The following FEM1C variants were observed in gnomAD, a reference collection of about 807,000 sequenced individuals.
FEM1C encodes the protein protein fem-1 homolog C.
In FEM1C, 15 loss-of-function variants were observed where a neutral mutation model predicts 37.6. The ratio of observed to expected loss-of-function variants is 0.40; its 90% CI spans 0.27 to 0.61. The LOEUF is 0.61. FEM1C is among the 20% of genes least tolerant of loss of function. The pLI is 0.42. For synonymous variants in FEM1C, 287 were observed against 272.8 expected (o/e 1.05, Z -0.51); for missense variants, 532 against 749.7 (o/e 0.71, Z 3.39).
Position 115,534,208 on chromosome 5 carries a change from C to T in FEM1C, c.545-8591G>A, listed in dbSNP as rs561620230. On this transcript the variant is annotated intron_variant, in intron 2 of 2. Transcript: ENST00000274457. ...TAAGGTCAGGAAACTATGGTAAGTG[C>T]TCGTGCATTAAAGGGTGGTAGTATT... 8.1e-4 allele frequency among the ~76,000 whole-genome samples: 123 copies of T among 152,002 alleles called. 1 individual carries two copies. Among genetic ancestry groups the T allele is most frequent in the African/African-American group, 2.5e-3 (105 of 41,516 alleles).
intron 2 of FEM1C, among the ~76,000 whole-genome samples, chr5:115,527,318 A>G (rs576654100): frequency 3.4e-4 from 52 of 152,290 alleles, no homozygotes; most frequent in African/African-American, 1.1e-3. Flanking sequence ...TTAGAAAAAA[A>G]CAAGTTATTA....
In FEM1C at chr5:115,522,116, C is replaced by T. The variant is rs563609143; in HGVS notation, c.*2192G>A. The stretch of plus-strand genomic sequence containing the variant: ...TGCCTCACTATAAGAGCATGTAAGC[C>T]CTCCCACCCAGCCCCCAAAGAGGAG... On this transcript the variant is annotated 3_prime_UTR_variant, in exon 3 of 3. Coordinates refer to ENST00000274457, the MANE Select transcript of FEM1C (RefSeq NM_020177.3). 6.7e-6 allele frequency: 1 copy of T among 150,216 alleles called. No individual in the cohort carries two copies. Among genetic ancestry groups the T allele is most frequent in the East Asian group, 2.0e-4 (1 of 5,048 alleles). 9.3% of individuals were successfully genotyped at this position (150,216 alleles called of 1,614,324 possible). A position where few individuals can be genotyped will look rare whatever the true frequency, so the allele number is the denominator to read the frequency against.
intron 2 of FEM1C, among the ~76,000 whole-genome samples, chr5:115,527,630 T>C (rs1753921698): frequency 6.6e-6 from 1 of 152,124 alleles, no homozygotes; most frequent in African/African-American, 2.4e-5. Flanking sequence ...ATAGGCAATA[T>C]AAGAGAAATC....
chr5:115,526,484 A>C (rs1561556556), intron 2 of FEM1C, among the ~76,000 whole-genome samples: 1 of 152,178 alleles, frequency 6.6e-6, no homozygotes, highest in African/African-American at 2.4e-5. Context: ...TTTTCTTCCC[A>C]CACACAGATT....
In FEM1C at chr5:115,524,325, CAA is replaced by C; in HGVS notation, c.1835_1836del (p.Phe612CysfsTer5). On this transcript the variant is annotated frameshift_variant, in exon 3 of 3. Coordinates refer to ENST00000274457, the MANE Select transcript of FEM1C (RefSeq NM_020177.3). LOFTEE classifies it high-confidence loss of function. ...TCAAGTTATCATCTATGAAGGGAAA[CAA>C]AAGTCTCTAGCTTTTCTGGGATATG... ...KGHIPEKLET[F>X]VSLHR 6.2e-7 allele frequency: 1 copy of C among 1,613,082 alleles called. No homozygotes were observed. The highest frequency in any genetic ancestry group is 8.5e-7 in the Non-Finnish European group (1 of 1,179,448).
Position 115,520,996 on chromosome 5 carries a change from G to A in FEM1C, c.*3312C>T, listed in dbSNP as rs930456148. The A allele has an allele frequency of 6.1e-5, 9 of 148,192 alleles. No individual in the cohort carries two copies. Among genetic ancestry groups the A allele is most frequent in the African/African-American group, 7.5e-5 (3 of 40,100 alleles). The allele number at this position is 148,192 out of a possible 1,614,324, so 9.2% of individuals were successfully genotyped here. A position where few individuals can be genotyped will look rare whatever the true frequency, so the allele number is the denominator to read the frequency against. ...TGTGACAATTTATTAGCTGGCATCC[G>A]AATACAGTACTTCTTTTGAAAAAAT... is the stretch of plus-strand genomic sequence containing the variant. On this transcript the variant is annotated 3_prime_UTR_variant, in exon 3 of 3. Transcript: ENST00000274457.
At chr5:115,533,694 T>C (rs1754062419) in intron 2 of FEM1C, among the ~76,000 whole-genome samples, 1 of 151,912 alleles carries the variant, frequency 6.6e-6, no homozygotes, top group Non-Finnish European at 1.5e-5. Context: ...CTCCACATCA[T>C]GTCTTCTTTT....
At chr5:115,526,722 ACTG>A (rs1447485730) in intron 2 of FEM1C, among the ~76,000 whole-genome samples, 2 of 152,166 alleles carry the variant, frequency 1.3e-5, no homozygotes, top group African/African-American at 4.8e-5. Flanking sequence ...GCAGGCTGAG[ACTG>A]CTATCCTTAG....
At chr5:115,529,588 T>C (rs187481478) in intron 2 of FEM1C, among the ~76,000 whole-genome samples, 4 of 152,198 alleles carry the variant, frequency 2.6e-5, no homozygotes, top group African/African-American at 4.8e-5. Flanking sequence ...CCTGGAGATA[T>C]AGGCAAAAAC....
At chr5:115,540,162 C>T (rs1322627293) in intron 2 of FEM1C, among the ~76,000 whole-genome samples, 1 of 152,002 alleles carries the variant, frequency 6.6e-6, no homozygotes, top group Non-Finnish European at 1.5e-5. Context: ...TCTCCAGTGT[C>T]CCTGCCTTAG....
intron 2 of FEM1C, among the ~76,000 whole-genome samples, chr5:115,541,764 AG>A (rs1274366901): frequency 6.6e-6 from 1 of 152,150 alleles, no homozygotes; most frequent in East Asian, 1.9e-4. Flanking sequence ...ATGACATCCA[AG>A]GTTAGAAAAA....
Position 115,524,715 on chromosome 5 carries a change from A to G in FEM1C, c.1447T>C (p.Phe483Leu), listed in dbSNP as rs1465741671. The G allele has an allele frequency of 6.5e-7, 1 of 1,542,598 alleles. No homozygotes were observed. The highest frequency in any genetic ancestry group is 8.7e-7 in the Non-Finnish European group (1 of 1,149,196). Residue 483 changes from phenylalanine to leucine, a missense_variant, in exon 3 of 3, where the codon TTC (phenylalanine) becomes CTC (leucine). Coordinates refer to ENST00000274457, the MANE Select transcript of FEM1C (RefSeq NM_020177.3). ...TCCACAGCCAGATGAAGAGGGCTGAAGTTATTCTTTCCCCTTGGATGCAGC... is the reference window on the plus strand; with the variant it reads ...TCCACAGCCAGATGAAGAGGGCTGAGGTTATTCTTTCCCCTTGGATGCAGC... ...LKLHPRGKNN[F>L]SPLHLAVDKN...
intron 2 of FEM1C, among the ~76,000 whole-genome samples, chr5:115,542,323 G>A (rs1228360103): frequency 6.6e-6 from 1 of 152,100 alleles, no homozygotes; most frequent in Non-Finnish European, 1.5e-5. Context: ...TCTCAGTATT[G>A]AAGCAGTTTT....
intron 1 of FEM1C, chr5:115,544,151 G>C (rs1754304536): frequency 1.0e-6 from 1 of 985,326 alleles, no homozygotes; most frequent in African/African-American, 1.7e-5. Flanking sequence ...CCCCGGCTAA[G>C]GCCAAAACTG....
intron 2 of FEM1C, among the ~76,000 whole-genome samples, chr5:115,531,393 T>C (rs1754011780): frequency 6.6e-6 from 1 of 152,182 alleles, no homozygotes; most frequent in African/African-American, 2.4e-5. Context: ...GGAAGAAATC[T>C]ATAGTTTCAG....
At position 115,524,203 on chromosome 5, in the gene FEM1C, A is replaced by AT; in HGVS notation, c.*104dup. On this transcript the variant is annotated 3_prime_UTR_variant, in exon 3 of 3. Transcript: ENST00000274457. Reference sequence around the variant, plus strand: ...TGCTTTAGCCAATGAGAGCACAATGATATCAATCAAGCTAAATGAATGCTG... The same window carrying AT: ...TGCTTTAGCCAATGAGAGCACAATGATTATCAATCAAGCTAAATGAATGCTG... 1.2e-6 allele frequency: 1 copy of AT among 869,542 alleles called. No individual in the cohort carries two copies. Among genetic ancestry groups the AT allele is most frequent in the Non-Finnish European group, 1.8e-6 (1 of 551,660 alleles). 53.9% of individuals were successfully genotyped at this position (869,542 alleles called of 1,614,324 possible).
At chr5:115,539,600 A>C (rs1302904941) in intron 2 of FEM1C, among the ~76,000 whole-genome samples, 1 of 152,120 alleles carries the variant, frequency 6.6e-6, no homozygotes, top group Non-Finnish European at 1.5e-5. Flanking sequence ...CCCTCAGGTT[A>C]TAAGTTGTTG....
rs144190437 is a variant in FEM1C at position 115,543,404 on chromosome 5, C to G, written c.90G>C (p.Glu30Asp). 5.6e-4 allele frequency: 909 copies of G among 1,614,158 alleles called. 1 individual carries two copies. Among genetic ancestry groups the G allele is most frequent in the Non-Finnish European group, 7.0e-4 (824 of 1,180,012 alleles). ...TTTTTTCAGAGATCAAGGAGGAAAC[C>G]TCCTCTTTGGATTTGCTTGCCAACA... ...TKLLASKSKE[E>D]VSSLISEKTN... The change falls in exon 2 of 3, where the codon GAG becomes GAC. Residue 30 changes from glutamate to aspartate, a missense_variant. Coordinates refer to ENST00000274457, the MANE Select transcript of FEM1C (RefSeq NM_020177.3).
intron 2 of FEM1C, among the ~76,000 whole-genome samples, chr5:115,542,583 CAAA>C (rs1754264207): frequency 6.8e-6 from 1 of 147,336 alleles, no homozygotes; most frequent in African/African-American, 2.5e-5. Context: ...AAAAACAAAA[CAAA>C]AAGCTAAGAA....
Sources: allele counts gnomAD v4.1 joint callset (sites outside exome capture counted in the v4.1 genomes callset), GRCh38; gene constraint gnomAD v4.1.1; transcripts MANE v1.5; gene names NCBI Gene and HGNC (gene_info 2026-07-23, HGNC 2026-07-21).